Variants in GBE1 observed in about 807,000 individuals in gnomAD.
The protein encoded by GBE1 is 1,4-alpha-glucan-branching enzyme.
GBE1 carries 70 observed loss-of-function variants against 88.8 expected under a neutral mutation model. That is an observed-to-expected ratio of 0.79 (90% CI 0.65 to 0.96). The LOEUF (loss-of-function observed/expected upper bound fraction) is 0.96. Among genes scored for constraint, GBE1 ranks in the 40% least tolerant of loss-of-function variants. The pLI is 0.00. For missense variants in GBE1, 872 were observed against 871.0 expected, an observed-to-expected ratio of 1.00 and a Z score of -0.01; for synonymous variants, 284 against 300.1, an observed-to-expected ratio of 0.95 and a Z score of 0.56.
In GBE1 at chr3:81,742,068, T is replaced by C. The variant is rs180961974; in HGVS notation, c.143+19307A>G. 4.9e-4 allele frequency among the ~76,000 whole-genome samples: 75 copies of C among 151,900 alleles called. 1 individual carries two copies. The East Asian group carries it at 0.012, about 25-fold the overall frequency. ...TTTCTGTTTGCCAGACTTCCCCCCA[T>C]TAAAAACCTAAATCCTTCTAGATTA... On this transcript the variant is annotated intron_variant, in intron 1 of 15. Transcript: ENST00000429644.
At chr3:81,613,164 A>C in intron 7 of GBE1, 1 of 263,340 alleles carries the variant, frequency 3.8e-6, no homozygotes, top group South Asian at 4.2e-5. Flanking sequence ...TTTTTTTTTT[A>C]ATCTTGTCCT....
chr3:81,757,452 G>A (rs375041035), intron 1 of GBE1, among the ~76,000 whole-genome samples: 1 of 152,188 alleles, frequency 6.6e-6, no homozygotes, highest in Non-Finnish European at 1.5e-5. Flanking sequence ...TTAGAATGGA[G>A]TGAAGATTTG....
intron 3 of GBE1, among the ~76,000 whole-genome samples, chr3:81,651,132 TCA>T (rs1704846144): frequency 6.6e-6 from 1 of 152,236 alleles, no homozygotes; most frequent in African/African-American, 2.4e-5. Context: ...GGTTAAGTAC[TCA>T]CAATTCTTAG....
chr3:81,603,924 G>T (rs1704066520), intron 7 of GBE1, among the ~76,000 whole-genome samples: 1 of 152,050 alleles, frequency 6.6e-6, no homozygotes, highest in South Asian at 2.1e-4. Flanking sequence ...GACATTAAAT[G>T]TGCCTTAGAA....
intron 2 of GBE1, among the ~76,000 whole-genome samples, chr3:81,697,720 GAGGCAGGACCCTCTC>G (rs1705621160): frequency 1.3e-5 from 2 of 152,090 alleles, no homozygotes; most frequent in Non-Finnish European, 2.9e-5. Flanking sequence ...CCCAGGGTAT[GAGGCAGGACCCTCTC>G]AGGGTAGAGT....
chr3:81,553,417 T>C lies in GBE1; in HGVS notation c.1619-16322A>G, dbSNP rs979665503. 3.3e-5 allele frequency among the ~76,000 whole-genome samples: 5 copies of C among 152,156 alleles called. No homozygotes were observed. In the East Asian group the frequency reaches 9.6e-4, roughly 29 times the overall value. Reference sequence around the variant, plus strand: ...GTGTGGTTATATTGTTTTTGCCTCTTTCTATTAGACTGGGGACAGATATCC... The same window carrying C: ...GTGTGGTTATATTGTTTTTGCCTCTCTCTATTAGACTGGGGACAGATATCC... On this transcript the variant is annotated intron_variant, in intron 12 of 15. Transcript: ENST00000429644.
intron 1 of GBE1, among the ~76,000 whole-genome samples, chr3:81,722,896 G>GTATA (rs553712949): frequency 0.012 from 1,634 of 135,274 alleles, 15 homozygotes; most frequent in African/African-American, 0.022. Context: ...GTGTGTGTGT[G>GTATA]TATATATATA....
chr3:81,594,373 A>T (rs972751221), intron 7 of GBE1, among the ~76,000 whole-genome samples: 1 of 152,106 alleles, frequency 6.6e-6, no homozygotes, highest in African/African-American at 2.4e-5. Flanking sequence ...GTGCTCGAAA[A>T]AAGCAAAGGA....
At chr3:81,667,519 G>A (rs1177278311) in intron 3 of GBE1, among the ~76,000 whole-genome samples, 1 of 152,090 alleles carries the variant, frequency 6.6e-6, no homozygotes, top group Non-Finnish European at 1.5e-5. Context: ...TCCTTGTCTT[G>A]TATCAGTTTT....
chr3:81,634,651 A>G (rs1704567309), intron 7 of GBE1, among the ~76,000 whole-genome samples: 3 of 152,266 alleles, frequency 2.0e-5, no homozygotes, highest in African/African-American at 7.2e-5. Flanking sequence ...AGACAGGGGG[A>G]AAAAAGAGAG....
intron 1 of GBE1, among the ~76,000 whole-genome samples, chr3:81,717,241 A>G (rs1447108282): frequency 1.3e-5 from 2 of 152,230 alleles, no homozygotes; most frequent in African/African-American, 2.4e-5. Flanking sequence ...CTTGGCTCAA[A>G]TAACACTCTG....
chr3:81,516,655 T>C (rs1349972690), intron 14 of GBE1, among the ~76,000 whole-genome samples: 1 of 151,404 alleles, frequency 6.6e-6, no homozygotes, highest in African/African-American at 2.4e-5. Context: ...AAATTGAAAA[T>C]CTTCTGGAAA....
intron 7 of GBE1, among the ~76,000 whole-genome samples, chr3:81,625,972 T>A (rs1704409336): frequency 6.6e-6 from 1 of 152,220 alleles, no homozygotes; most frequent in Non-Finnish European, 1.5e-5. Context: ...TGTGCTATTA[T>A]CTTCTGCTAG....
chr3:81,594,763 A>T (rs1473411823), intron 7 of GBE1, among the ~76,000 whole-genome samples: 1 of 152,054 alleles, frequency 6.6e-6, no homozygotes, highest in Non-Finnish European at 1.5e-5. Context: ...TAACTCAATT[A>T]AAAACACCAC....
intron 1 of GBE1, among the ~76,000 whole-genome samples, chr3:81,723,397 A>C (rs924778943): frequency 6.6e-6 from 1 of 151,620 alleles, no homozygotes; most frequent in Admixed American, 6.6e-5. Flanking sequence ...CACTGCGCCC[A>C]GCCAAATAAA....
At chr3:81,647,246 C>T (rs1468580122) in intron 5 of GBE1, among the ~76,000 whole-genome samples, 1 of 152,148 alleles carries the variant, frequency 6.6e-6, no homozygotes, top group Non-Finnish European at 1.5e-5. Flanking sequence ...GCGTGAGCCA[C>T]CGCGCCCAGC....
chr3:81,714,204 G>A (rs1387029095), intron 1 of GBE1, among the ~76,000 whole-genome samples: 1 of 152,064 alleles, frequency 6.6e-6, no homozygotes, highest in African/African-American at 2.4e-5. Context: ...TGGCACATAA[G>A]TTTTCAATGA....
At chr3:81,654,324 T>C (rs1488003453) in intron 3 of GBE1, among the ~76,000 whole-genome samples, 1 of 149,790 alleles carries the variant, frequency 6.7e-6, no homozygotes, top group Admixed American at 6.6e-5. Context: ...GACAAAAAAG[T>C]GTGTGTGTGT....
intron 7 of GBE1, among the ~76,000 whole-genome samples, chr3:81,604,745 C>T (rs1435273855): frequency 6.6e-6 from 1 of 151,948 alleles, no homozygotes; most frequent in Non-Finnish European, 1.5e-5. Context: ...TTTTTGGAAA[C>T]CTACAAAAGT....
Sources: gnomAD v4.1 joint callset for allele counts (sites outside exome capture counted in the v4.1 genomes callset) on GRCh38, gnomAD v4.1.1 for gene constraint, MANE v1.5 for transcripts, NCBI Gene and HGNC (gene_info 2026-07-23, HGNC 2026-07-21) for gene names.